SLC6A5: variants seen among roughly 807,000 people sequenced by gnomAD.
SLC6A5 encodes solute carrier family 6 member 5.
SLC6A5 carries 58 observed loss-of-function variants against 90.5 expected under a neutral mutation model. The observed-to-expected ratio is 0.64, with a 90% CI of 0.52 to 0.80. SLC6A5 has a LOEUF of 0.80. Ranked by LOEUF, SLC6A5 falls within the 30% of genes least tolerant of loss-of-function variation. SLC6A5 has a pLI of 0.00. For missense variants in SLC6A5, 1,015 were observed against 1,017.6 expected (o/e 1.00, Z 0.03); for synonymous variants, 427 against 401.4 (o/e 1.06, Z -0.76).
Position 20,630,696 on chromosome 11 carries a change from C to A in SLC6A5, c.1505C>A (p.Thr502Asn). ...CTCTGGTCTCTTCCTTCCAGGGACA[C>A]TCTAATTGTCACCTGCACCAACAGT... ...NKFHNNCYRDTLIVTCTNSAT... is the reference protein window; with the variant it reads ...NKFHNNCYRDNLIVTCTNSAT... Residue 502 changes from threonine to asparagine, a missense_variant, in exon 10 of 16, where the codon ACT becomes AAT. Coordinates refer to ENST00000525748, the MANE Select transcript of SLC6A5 (RefSeq NM_004211.5). The A allele has an allele frequency of 6.2e-7, 1 of 1,614,230 alleles. No homozygotes were observed. Among genetic ancestry groups the A allele is most frequent in the Non-Finnish European group, 8.5e-7 (1 of 1,180,030 alleles).
intron 14 of SLC6A5, among the ~76,000 whole-genome samples, chr11:20,651,645 C>T (rs2133824330): frequency 6.6e-6 from 1 of 151,890 alleles, no homozygotes; most frequent in South Asian, 2.1e-4. Context: ...CAGTGGCTCA[C>T]ACCTGTAATC....
intron 14 of SLC6A5, among the ~76,000 whole-genome samples, chr11:20,648,356 A>G (rs1247148269): frequency 6.6e-6 from 1 of 151,990 alleles, no homozygotes; most frequent in Non-Finnish European, 1.5e-5. Flanking sequence ...AAACATCTCA[A>G]TTTCTTTCTG....
At chr11:20,648,293 C>A (rs181188547) in intron 14 of SLC6A5, among the ~76,000 whole-genome samples, 1 of 152,254 alleles carries the variant, frequency 6.6e-6, no homozygotes, top group African/African-American at 2.4e-5. Flanking sequence ...TTCTTTCTTT[C>A]TTCTTTCCTT....
intron 7 of SLC6A5, among the ~76,000 whole-genome samples, chr11:20,624,080 C>T (rs1852943039): frequency 7.3e-6 from 1 of 137,604 alleles, no homozygotes; most frequent in South Asian, 2.2e-4. Flanking sequence ...ATTAGTTGCT[C>T]TAAATATATA....
intron 15 of SLC6A5, among the ~76,000 whole-genome samples, chr11:20,653,908 A>G (rs1715296): frequency 6.6e-6 from 1 of 152,224 alleles, no homozygotes; most frequent in African/African-American, 2.4e-5. Context: ...TTTGGGACAC[A>G]AAGGTTGCAA....
chr11:20,600,652 C>T (rs1852452823), intron 1 of SLC6A5, among the ~76,000 whole-genome samples: 1 of 152,078 alleles, frequency 6.6e-6, no homozygotes. Flanking sequence ...CTCAAGCGCT[C>T]GCAGGTGCCA....
chr11:20,625,385 C>T (rs1016114066), intron 7 of SLC6A5, among the ~76,000 whole-genome samples: 1 of 152,180 alleles, frequency 6.6e-6, no homozygotes, highest in African/African-American at 2.4e-5. Context: ...CCTAAGCCTC[C>T]TGAATAGCTG....
At chr11:20,625,523 A>G (rs1220656412) in intron 7 of SLC6A5, among the ~76,000 whole-genome samples, 1 of 152,036 alleles carries the variant, frequency 6.6e-6, no homozygotes, top group African/African-American at 2.4e-5. Flanking sequence ...TGACCTCCCA[A>G]ATTGTTGGGA....
chr11:20,610,883 C>A (rs897740483), intron 5 of SLC6A5, among the ~76,000 whole-genome samples: 4 of 151,732 alleles, frequency 2.6e-5, no homozygotes, highest in African/African-American at 7.3e-5. Flanking sequence ...TGCTAAATAT[C>A]CTGCAATGCA....
chr11:20,646,835 C>T lies in SLC6A5; in HGVS notation c.1971C>T (p.Gly657=). 1 of 1,609,442 alleles carries T rather than the reference C, an allele frequency of 6.2e-7. No individual in the cohort carries two copies. Among genetic ancestry groups the T allele is most frequent in the Non-Finnish European group, 8.5e-7 (1 of 1,175,926 alleles). The change falls in exon 14 of 16, where the codon GGC becomes GGT. Residue 657 remains glycine (G), a splice_region_variant and synonymous_variant. Coordinates refer to ENST00000525748, the MANE Select transcript of SLC6A5 (RefSeq NM_004211.5). The part of the protein sequence containing the change: ...FELVGISYVY[G]LQRFCEDIEM... ...TGTTCTCTGCTTGTCTATTTGCAGG[C>T]TTGCAAAGATTCTGTGAAGATATAG...
In SLC6A5 at chr11:20,646,860, G is replaced by A. The variant is rs148559046; in HGVS notation, c.1996G>A (p.Glu666Lys). The change falls in exon 14 of 16, where the codon GAG (glutamate) becomes AAG (lysine). Residue 666 changes from glutamate (E) to lysine (K), a missense_variant. Coordinates refer to ENST00000525748, the MANE Select transcript of SLC6A5 (RefSeq NM_004211.5). ...CTTGCAAAGATTCTGTGAAGATATA[G>A]AGATGATGATTGGATTCCAGCCTAA... ...YGLQRFCEDI[E>K]MMIGFQPNIF... 6.2e-7 allele frequency: 1 copy of A among 1,613,452 alleles called. No homozygotes were observed. The highest frequency in any genetic ancestry group is 8.5e-7 in the Non-Finnish European group (1 of 1,179,596).
chr11:20,601,330 G>A lies in SLC6A5; in HGVS notation c.205G>A (p.Ala69Thr). 1 of 1,596,186 alleles carries A rather than the reference G, an allele frequency of 6.3e-7. No homozygotes were observed. The highest frequency in any genetic ancestry group is 1.7e-4 in the Middle Eastern group (1 of 5,894). The change falls in exon 2 of 16, where the codon GCC becomes ACC. Residue 69 changes from alanine to threonine, a missense_variant. This residue lies in a region of SLC6A5 where 567 missense variants were observed against 507.3 expected (regional missense o/e 1.12). Coordinates refer to ENST00000525748, the MANE Select transcript of SLC6A5 (RefSeq NM_004211.5). ...AQTFQSADAR[A>T]CEAERPGVGS... ...AACTTTCCAGTCAGCGGACGCGCGA[G>A]CCTGCGAGGCTGAGCGGCCAGGAGT...
chr11:20,627,961 T>C lies in SLC6A5; in HGVS notation c.1396-19T>C. On this transcript the variant is annotated intron_variant, in intron 8 of 15. Coordinates refer to ENST00000525748, the MANE Select transcript of SLC6A5 (RefSeq NM_004211.5). The stretch of plus-strand genomic sequence containing the variant: ...GTCTCCTTCATGGGTCTTGAATCTC[T>C]TTCCCTTTTGCCTCTCAGGTGTGGA... 1 of 1,601,114 alleles carries C rather than the reference T, an allele frequency of 6.2e-7. No homozygotes were observed. The highest frequency in any genetic ancestry group is 8.6e-7 in the Non-Finnish European group (1 of 1,168,314).
intron 5 of SLC6A5, among the ~76,000 whole-genome samples, chr11:20,613,264 T>C (rs1396778376): frequency 6.6e-6 from 1 of 152,218 alleles, no homozygotes; most frequent in African/African-American, 2.4e-5. Flanking sequence ...AGTCAATGCA[T>C]GTAAAGTACT....
At chr11:20,650,547 G>A (rs1344107194) in intron 14 of SLC6A5, among the ~76,000 whole-genome samples, 1 of 151,900 alleles carries the variant, frequency 6.6e-6, no homozygotes, top group East Asian at 1.9e-4. Context: ...CCATTTTATG[G>A]CAGGGAAGTC....
intron 7 of SLC6A5, among the ~76,000 whole-genome samples, chr11:20,618,234 A>G (rs1425639439): frequency 2.6e-5 from 4 of 152,084 alleles, no homozygotes; most frequent in Non-Finnish European, 5.9e-5. Flanking sequence ...AAACTCTAGA[A>G]TTTGTGCTGC....
At chr11:20,651,277 C>T (rs1206722062) in intron 14 of SLC6A5, among the ~76,000 whole-genome samples, 1 of 135,364 alleles carries the variant, frequency 7.4e-6, no homozygotes, top group African/African-American at 2.8e-5. Flanking sequence ...CCTCCTATGC[C>T]CTTCCCTTTT....
intron 7 of SLC6A5, among the ~76,000 whole-genome samples, chr11:20,619,668 G>A (rs1852852974): frequency 6.6e-6 from 1 of 151,940 alleles, no homozygotes; most frequent in African/African-American, 2.4e-5. Flanking sequence ...CATTTTCCTA[G>A]CTATTTTAGA....
chr11:20,652,193 C>T (rs921958980), intron 14 of SLC6A5, 96 bp from the exon 15 acceptor site: 20 of 1,136,900 alleles, frequency 1.8e-5, no homozygotes, highest in East Asian at 1.4e-4. Flanking sequence ...ATAATAGAGA[C>T]GAAAGCATCA....
Sources: gnomAD v4.1 joint callset for allele counts (sites outside exome capture counted in the v4.1 genomes callset) on GRCh38, gnomAD v4.1.1 for gene constraint, gnomAD v4.1.1 regional missense constraint, MANE v1.5 for transcripts, NCBI Gene and HGNC (gene_info 2026-07-23, HGNC 2026-07-21) for gene names.